GATAD2A: variants seen among roughly 807,000 people sequenced by gnomAD.
GATAD2A encodes the protein GATA zinc finger domain containing 2A, also known as transcriptional repressor p66-alpha.
In GATAD2A, 12 loss-of-function variants were observed where a neutral mutation model predicts 68.5. The ratio of observed to expected loss-of-function variants is 0.18; its 90% CI spans 0.11 to 0.28. The LOEUF is 0.28. GATAD2A is among the 10% of genes least tolerant of loss of function. The pLI, the probability that GATAD2A is intolerant of heterozygous loss-of-function variation, is 1.00. For synonymous variants in GATAD2A, 410 were observed against 375.3 expected, an observed-to-expected ratio of 1.09 and a Z score of -1.07; for missense variants, 755 against 868.5, an observed-to-expected ratio of 0.87 and a Z score of 1.64.
Position 19,492,656 on chromosome 19 carries a change from G to T in GATAD2A, c.478G>T (p.Val160Leu). The T allele has an allele frequency of 1.2e-6, 2 of 1,614,194 alleles. No individual in the cohort carries two copies. The highest frequency in any genetic ancestry group is 1.7e-6 in the Non-Finnish European group (2 of 1,180,014). The change falls in exon 4 of 12, where the codon GTG (valine) becomes TTG (leucine). Residue 160 changes from valine (V) to leucine (L), a missense_variant. Transcript: ENST00000683918. ...ATTGAGGTTAGAAGAAGCAAAACTCGTGTTGTTGAAAAAGTTGCGGCAGAG... is the reference window on the plus strand; with the variant it reads ...ATTGAGGTTAGAAGAAGCAAAACTCTTGTTGTTGAAAAAGTTGCGGCAGAG... ...EELRLEEAKL[V>L]LLKKLRQSQI... is the part of the protein sequence containing the mutation.
At position 19,501,954 on chromosome 19, in the gene GATAD2A, C is replaced by A. The variant is rs368987625; in HGVS notation, c.1504-15C>A. On this transcript the variant is annotated splice_polypyrimidine_tract_variant and intron_variant, in intron 9 of 11. Coordinates refer to ENST00000683918, the MANE Select transcript of GATAD2A (RefSeq NM_001384528.1). ...CGGACCGCACTGACTTTGCTTTCAA[C>A]CCCCGTTTGTGTAGGTCATAAAACC... The A allele has an allele frequency of 1.2e-6, 2 of 1,611,754 alleles. No homozygotes were observed. Among genetic ancestry groups the A allele is most frequent in the South Asian group, 2.2e-5 (2 of 91,036 alleles).
At chr19:19,419,139 C>T (rs1246458193) in intron 1 of GATAD2A, among the ~76,000 whole-genome samples, 1 of 152,130 alleles carries the variant, frequency 6.6e-6, no homozygotes, top group African/African-American at 2.4e-5. Flanking sequence ...CATGTGTGAG[C>T]ACTCGGTGGA....
At chr19:19,416,350 G>A (rs1006700232) in intron 1 of GATAD2A, among the ~76,000 whole-genome samples, 34 of 151,994 alleles carry the variant, frequency 2.2e-4, no homozygotes, top group Non-Finnish European at 2.4e-4. Context: ...TCAGATGAGA[G>A]ATGATTTGGG....
chr19:19,442,292 A>T (rs1352745170), intron 1 of GATAD2A, among the ~76,000 whole-genome samples: 1 of 152,158 alleles, frequency 6.6e-6, no homozygotes, highest in Non-Finnish European at 1.5e-5. Context: ...GGCAAGCGAG[A>T]GTGAACAAGA....
intron 10 of GATAD2A, 140 bp downstream of exon 10, chr19:19,502,183 G>T: frequency 1.2e-6 from 1 of 864,648 alleles, no homozygotes; most frequent in Non-Finnish European, 1.8e-6. Flanking sequence ...ACCCCTCTGT[G>T]TAACTTACCT....
chr19:19,419,179 T>G (rs1247788735), intron 1 of GATAD2A, among the ~76,000 whole-genome samples: 2 of 152,210 alleles, frequency 1.3e-5, no homozygotes, highest in Admixed American at 1.3e-4. Context: ...ACACACTCCC[T>G]GTCGAGGGAC....
At position 19,508,428 on chromosome 19, in the gene GATAD2A, A is replaced by T. The variant is rs1483339466; in HGVS notation, c.*2954A>T. ...TTGTGCCTGGTCTTACCTGTACTCC[A>T]CGGACCTCGGTGAAGCAAAAGCTTC... is the stretch of plus-strand genomic sequence containing the variant. On this transcript the variant is annotated 3_prime_UTR_variant, in exon 12 of 12. Transcript: ENST00000683918. 1 of 152,196 alleles carries T rather than the reference A, an allele frequency of 6.6e-6. No individual in the cohort carries two copies. The highest frequency in any genetic ancestry group is 1.5e-5 in the Non-Finnish European group (1 of 68,054). The allele number at this position is 152,196 out of a possible 1,614,324, so 9.4% of individuals were successfully genotyped here. A position where few individuals can be genotyped will look rare whatever the true frequency, so the allele number is the denominator to read the frequency against.
chr19:19,421,067 C>A (rs2052361496), intron 1 of GATAD2A, among the ~76,000 whole-genome samples: 1 of 152,184 alleles, frequency 6.6e-6, no homozygotes, highest in South Asian at 2.1e-4. Flanking sequence ...GGGTCAGGTC[C>A]TCCCCATCCT....
At chr19:19,433,656 C>G (rs182674521) in intron 1 of GATAD2A, among the ~76,000 whole-genome samples, 22 of 152,252 alleles carry the variant, frequency 1.4e-4, no homozygotes, top group Admixed American at 1.4e-3. Flanking sequence ...ATGCAAACAA[C>G]AACTTTAGAA....
At chr19:19,491,809 T>C (rs2059808538) in intron 2 of GATAD2A, among the ~76,000 whole-genome samples, 1 of 152,110 alleles carries the variant, frequency 6.6e-6, no homozygotes, top group African/African-American at 2.4e-5. Flanking sequence ...GAAAATCTGG[T>C]TCACGCAGGG....
chr19:19,500,252 G>A (rs1417984629), intron 8 of GATAD2A, among the ~76,000 whole-genome samples: 1 of 152,240 alleles, frequency 6.6e-6, no homozygotes, highest in East Asian at 1.9e-4. Flanking sequence ...ACGTGTGCAA[G>A]GAGATGTGCC....
intron 1 of GATAD2A, among the ~76,000 whole-genome samples, chr19:19,455,395 CAGG>C (rs2056833410): frequency 6.6e-6 from 1 of 151,988 alleles, no homozygotes; most frequent in South Asian, 2.1e-4. Flanking sequence ...GAGGCCGAGG[CAGG>C]AGAATTGCTT....
chr19:19,462,970 T>C (rs1568308245), intron 1 of GATAD2A, among the ~76,000 whole-genome samples: 2 of 150,832 alleles, frequency 1.3e-5, no homozygotes, highest in Admixed American at 1.3e-4. Flanking sequence ...AGCATGGGGG[T>C]TTCTTTGAGT....
At chr19:19,390,297 G>A (rs1425740934) in intron 1 of GATAD2A, among the ~76,000 whole-genome samples, 1 of 152,166 alleles carries the variant, frequency 6.6e-6, no homozygotes, top group East Asian at 1.9e-4. Context: ...CTAGATGGAT[G>A]AATGAATGAA....
intron 1 of GATAD2A, among the ~76,000 whole-genome samples, chr19:19,409,386 C>G (rs2050659762): frequency 1.3e-5 from 2 of 152,094 alleles, no homozygotes; most frequent in African/African-American, 4.8e-5. Context: ...ATAGAGCATC[C>G]CTGGGATTTC....
intron 1 of GATAD2A, among the ~76,000 whole-genome samples, chr19:19,415,912 G>A (rs187542860): frequency 2.6e-4 from 39 of 151,908 alleles, no homozygotes; most frequent in African/African-American, 7.5e-4. Context: ...CACCACGCCC[G>A]GCCGACTTTA....
chr19:19,503,040 GAACAACCA>G (rs1555722278), intron 11 of GATAD2A, among the ~76,000 whole-genome samples: 1 of 152,210 alleles, frequency 6.6e-6, no homozygotes, highest in Non-Finnish European at 1.5e-5. Flanking sequence ...GGTGTTTGAA[GAACAACCA>G]GTGGGGGTGA....
chr19:19,484,658 C>T (rs1442567884), intron 2 of GATAD2A, among the ~76,000 whole-genome samples: 4 of 151,502 alleles, frequency 2.6e-5, no homozygotes, highest in Non-Finnish European at 5.9e-5. Context: ...CTCAGCCTCC[C>T]GAGTAGCTGG....
chr19:19,436,164 A>G (rs2054314821), intron 1 of GATAD2A: 1 of 1,366,212 alleles, frequency 7.3e-7, no homozygotes, highest in African/African-American at 1.5e-5. Context: ...TAGCCTTTTG[A>G]TGTCACTGTG....
Sources: gnomAD v4.1 joint callset for allele counts (sites outside exome capture counted in the v4.1 genomes callset) on GRCh38, gnomAD v4.1.1 for gene constraint, MANE v1.5 for transcripts, NCBI Gene and HGNC (gene_info 2026-07-23, HGNC 2026-07-21) for gene names.